The following AGTPBP1 variants were observed in gnomAD, a reference collection of about 807,000 sequenced individuals.
AGTPBP1 encodes ATP/GTP binding carboxypeptidase 1, also known as cytosolic carboxypeptidase 1.
AGTPBP1 carries 70 observed loss-of-function variants against 143.9 expected under a neutral mutation model. The ratio of observed to expected loss-of-function variants is 0.49; its 90% CI spans 0.40 to 0.59. The LOEUF is 0.59. AGTPBP1 is among the 20% of genes least tolerant of loss of function. AGTPBP1 has a pLI of 0.00. For synonymous variants in AGTPBP1, 463 were observed against 500.2 expected, an observed-to-expected ratio of 0.93 and a Z score of 0.99; for missense variants, 1,229 against 1,464.5, an observed-to-expected ratio of 0.84 and a Z score of 2.62.
At chr9:85,779,202 TATAG>T in the AGTPBP1 span, among the ~76,000 whole-genome samples, 1 of 98,330 alleles carries the variant, frequency 1.0e-5, no homozygotes. Flanking sequence ...TAGATATAGA[TATAG>T]ATATAGATAT....
chr9:85,557,089 T>C (rs1171888587), intron 25 of AGTPBP1, among the ~76,000 whole-genome samples: 4 of 152,304 alleles, frequency 2.6e-5, no homozygotes, highest in Admixed American at 6.5e-5. Context: ...CAGACACTTA[T>C]TGTGAGAGAA....
chr9:85,563,045 GA>G (rs1315936028), intron 25 of AGTPBP1, among the ~76,000 whole-genome samples: 1 of 152,162 alleles, frequency 6.6e-6, no homozygotes, highest in Non-Finnish European at 1.5e-5. Context: ...CCCAGACACT[GA>G]ATCTGCTGAT....
At chr9:85,630,391 C>CTTACTTATTTAT (rs777830669) in intron 14 of AGTPBP1, among the ~76,000 whole-genome samples, 4 of 151,374 alleles carry the variant, frequency 2.6e-5, no homozygotes, top group Non-Finnish European at 5.9e-5. Context: ...TACTTACTTA[C>CTTACTTATTTAT]TTATTTATTT....
chr9:85,693,325 G>A (rs1836004939), intron 2 of AGTPBP1, among the ~76,000 whole-genome samples: 1 of 152,146 alleles, frequency 6.6e-6, no homozygotes, highest in African/African-American at 2.4e-5. Flanking sequence ...CATAGGCCGG[G>A]CACAGAGGCT....
rs747785622 is a variant in AGTPBP1, at chr9:85,596,462, G to GA, written c.2336-14dup. ...AGTGGTTGCATACCTTTGAAAGAGA[G>GA]AAAAAAAGAGAGAAAATTATTTTCA... On this transcript the variant is annotated splice_polypyrimidine_tract_variant and intron_variant, in intron 17 of 25. Coordinates refer to ENST00000357081, the MANE Select transcript of AGTPBP1 (RefSeq NM_001330701.2). The GA allele has an allele frequency of 2.4e-5, 36 of 1,491,724 alleles. No homozygotes were observed. The highest frequency in any genetic ancestry group is 2.9e-5 in the Non-Finnish European group (32 of 1,107,362). The allele number at this position is 1,491,724 out of a possible 1,614,324, so 92.4% of individuals were successfully genotyped here. A position where few individuals can be genotyped will look rare whatever the true frequency, so the allele number is the denominator to read the frequency against.
chr9:85,805,012 C>T, the AGTPBP1 span, among the ~76,000 whole-genome samples: 2 of 152,190 alleles, frequency 1.3e-5, no homozygotes, highest in Non-Finnish European at 2.9e-5. Context: ...AGTCTCATTC[C>T]CTCGGGAGGC....
intron 1 of AGTPBP1, among the ~76,000 whole-genome samples, chr9:85,724,715 A>AAC (rs1838359518): frequency 6.6e-6 from 1 of 152,198 alleles, no homozygotes; most frequent in South Asian, 2.1e-4. Context: ...CAACTAATTT[A>AAC]ACAATGTGTT....
chr9:85,701,921 C>T (rs915965258), intron 2 of AGTPBP1, among the ~76,000 whole-genome samples: 2 of 152,214 alleles, frequency 1.3e-5, no homozygotes, highest in Non-Finnish European at 2.9e-5. Flanking sequence ...TCCTCTTTGA[C>T]TCAGGTTGTT....
intron 21 of AGTPBP1, 109 bp downstream of exon 21, chr9:85,588,189 T>C (rs1013964663): frequency 3.0e-6 from 3 of 1,009,592 alleles, no homozygotes; most frequent in Non-Finnish European, 2.7e-6. Context: ...AATTTCTTTA[T>C]TCTAGAAAAA....
At chr9:85,554,955 C>A (rs1826244873) in intron 25 of AGTPBP1, among the ~76,000 whole-genome samples, 1 of 152,114 alleles carries the variant, frequency 6.6e-6, no homozygotes, top group African/African-American at 2.4e-5. Context: ...TTAAAACTGT[C>A]TTTTGGACAG....
At chr9:85,643,128 T>C (rs1211606671) in intron 12 of AGTPBP1, 185 bp from the exon 13 acceptor site, 1 of 548,372 alleles carries the variant, frequency 1.8e-6, no homozygotes, top group Non-Finnish European at 3.2e-6. Flanking sequence ...TGTTGTGTTA[T>C]TGTTGGGTAG....
At chr9:85,764,311 C>T in the AGTPBP1 span, among the ~76,000 whole-genome samples, 1 of 151,830 alleles carries the variant, frequency 6.6e-6, no homozygotes, top group African/African-American at 2.4e-5. Context: ...GGTGGATCAC[C>T]TGAGGTCAGG....
chr9:85,634,522 G>C (rs1321921260), intron 13 of AGTPBP1, among the ~76,000 whole-genome samples: 1 of 152,084 alleles, frequency 6.6e-6, no homozygotes, highest in African/African-American at 2.4e-5. Flanking sequence ...AAGAATTTGG[G>C]TTTTTACTCT....
chr9:85,720,016 T>C (rs958046351), intron 1 of AGTPBP1, among the ~76,000 whole-genome samples: 3 of 152,194 alleles, frequency 2.0e-5, no homozygotes, highest in African/African-American at 7.2e-5. Flanking sequence ...GAAGCCAACT[T>C]GATTGTGGTG....
chr9:85,669,219 C>A (rs1195329169), intron 8 of AGTPBP1, among the ~76,000 whole-genome samples: 1 of 151,276 alleles, frequency 6.6e-6, no homozygotes, highest in East Asian at 1.9e-4. Flanking sequence ...ATCTTTTTTC[C>A]TTTTACAGTA....
chr9:85,799,437 A>G, the AGTPBP1 span, among the ~76,000 whole-genome samples: 1 of 152,206 alleles, frequency 6.6e-6, no homozygotes, highest in Non-Finnish European at 1.5e-5. Context: ...ACTAATTTAC[A>G]CAGGCAGGAG....
At chr9:85,642,462 G>A (rs903056942) in intron 13 of AGTPBP1, among the ~76,000 whole-genome samples, 6 of 151,716 alleles carry the variant, frequency 4.0e-5, no homozygotes, top group African/African-American at 1.5e-4. Flanking sequence ...CCAAGTAACT[G>A]GGACTGCAGG....
intron 17 of AGTPBP1, among the ~76,000 whole-genome samples, chr9:85,599,324 C>G (rs1829513367): frequency 6.6e-6 from 1 of 152,168 alleles, no homozygotes; most frequent in South Asian, 2.1e-4. Flanking sequence ...ATATACATTT[C>G]ATTGTATTCT....
At chr9:85,666,527 TA>T in intron 8 of AGTPBP1, among the ~76,000 whole-genome samples, 1 of 152,238 alleles carries the variant, frequency 6.6e-6, no homozygotes, top group Middle Eastern at 3.4e-3. Context: ...CTTTTTAAAG[TA>T]AAAATAAAGT....
Sources: gnomAD v4.1 joint callset for allele counts (sites outside exome capture counted in the v4.1 genomes callset) on GRCh38, gnomAD v4.1.1 for gene constraint, MANE v1.5 for transcripts, NCBI Gene and HGNC (gene_info 2026-07-23, HGNC 2026-07-21) for gene names.